The following ZC3H14 variants were observed in gnomAD, a reference collection of about 807,000 sequenced individuals.
The protein encoded by ZC3H14 is zinc finger CCCH domain-containing protein 14.
A neutral mutation model predicts 92.4 loss-of-function variants in ZC3H14; 31 were observed. That is an observed-to-expected ratio of 0.34 (90% CI 0.25 to 0.45). ZC3H14 has a LOEUF of 0.45. Ranked by LOEUF, ZC3H14 falls within the 20% of genes least tolerant of loss-of-function variation. The pLI is 1.00. For synonymous variants in ZC3H14, 321 were observed against 300.9 expected (o/e 1.07, Z -0.69); for missense variants, 781 against 897.3 (o/e 0.87, Z 1.66).
At position 88,618,809 on chromosome 14, in the gene ZC3H14, A is replaced by G. The variant is rs1434298213; in HGVS notation, c.*7058A>G. 1 of 1,578,754 alleles carries G rather than the reference A, an allele frequency of 6.3e-7. No homozygotes were observed. The stretch of plus-strand genomic sequence containing the variant: ...CTGCCAGATACCGGGAATCCGGACT[A>G]AATCTGAATCAAAACAAAACGTAAA... On this transcript the variant is annotated 3_prime_UTR_variant, in exon 17 of 17. Coordinates refer to ENST00000251038, the MANE Select transcript of ZC3H14 (RefSeq NM_024824.5).
At chr14:88,598,939 T>A (rs531753878) in intron 10 of ZC3H14, among the ~76,000 whole-genome samples, 1 of 152,136 alleles carries the variant, frequency 6.6e-6, no homozygotes, top group Non-Finnish European at 1.5e-5. Flanking sequence ...AATACAAAAA[T>A]TAGCCAGGCG....
intron 12 of ZC3H14, among the ~76,000 whole-genome samples, chr14:88,605,946 GCA>G (rs1407092878): frequency 3.3e-5 from 5 of 152,334 alleles, no homozygotes; most frequent in African/African-American, 1.2e-4. Flanking sequence ...GCTAACATTT[GCA>G]CAGAGTGTCT....
Position 88,627,310 on chromosome 14 carries a change from C to T in ZC3H14, c.*15559C>T, listed in dbSNP as rs953358484. ...TAGGTAATATTATCCTGCTGATCTGCCATTATCATTAGAAATATACATAAT... is the reference window on the plus strand; with the variant it reads ...TAGGTAATATTATCCTGCTGATCTGTCATTATCATTAGAAATATACATAAT... On this transcript the variant is annotated 3_prime_UTR_variant, in exon 17 of 17. Coordinates refer to ENST00000251038, the MANE Select transcript of ZC3H14 (RefSeq NM_024824.5). The T allele has an allele frequency of 1.2e-5, 6 of 493,904 alleles. No homozygotes were observed. The highest frequency in any genetic ancestry group is 3.6e-5 in the Admixed American group (1 of 28,118). 30.6% of individuals were successfully genotyped at this position (493,904 alleles called of 1,614,324 possible).
In ZC3H14 at chr14:88,625,056, G is replaced by T. The variant is rs142374840; in HGVS notation, c.*13305G>T. ...CAGGCCCGTTGTGAGCTCTCGCCACGATTCTACACAATATGTGATCTTTCC... is the reference window on the plus strand; with the variant it reads ...CAGGCCCGTTGTGAGCTCTCGCCACTATTCTACACAATATGTGATCTTTCC... On this transcript the variant is annotated 3_prime_UTR_variant, in exon 17 of 17. Transcript: ENST00000251038. 1.9e-6 allele frequency: 3 copies of T among 1,612,320 alleles called. No homozygotes were observed. The highest frequency in any genetic ancestry group is 2.7e-5 in the African/African-American group (2 of 74,530).
rs1275757508 is a variant in ZC3H14 at position 88,619,806 on chromosome 14, A to T, written c.*8055A>T. 1.3e-5 allele frequency: 2 copies of T among 152,146 alleles called. No individual in the cohort carries two copies. The highest frequency in any genetic ancestry group is 2.9e-5 in the Non-Finnish European group (2 of 68,070). 9.4% of individuals were successfully genotyped at this position (152,146 alleles called of 1,614,324 possible). A position where few individuals can be genotyped will look rare whatever the true frequency, so the allele number is the denominator to read the frequency against. On this transcript the variant is annotated 3_prime_UTR_variant, in exon 17 of 17. Transcript: ENST00000251038. ...CAGCCCCCTGAGTAGCTGGGATTAC[A>T]GGCGCCTGCCACCACGCCCGGCTGA...
intron 2 of ZC3H14, among the ~76,000 whole-genome samples, chr14:88,567,306 A>G (rs367914123): frequency 3.3e-5 from 5 of 151,300 alleles, no homozygotes; most frequent in African/African-American, 7.3e-5. Context: ...TAGTAGAGAC[A>G]GGGTTTCACT....
chr14:88,600,609 T>TTTTA (rs1011099510), intron 10 of ZC3H14, among the ~76,000 whole-genome samples: 2 of 152,080 alleles, frequency 1.3e-5, no homozygotes, highest in South Asian at 4.2e-4. Flanking sequence ...GCCTGGCTAA[T>TTTTA]TTTATTTATT....
rs1007619697 is a variant in ZC3H14, at chr14:88,614,947, A to G, written c.*3196A>G. ...ATATGTGAATTTAACACTTTTGTTT[A>G]CATGTTAAACAAATGTGTATATATT... is the stretch of plus-strand genomic sequence containing the variant. On this transcript the variant is annotated 3_prime_UTR_variant, in exon 17 of 17. Transcript: ENST00000251038. The G allele has an allele frequency of 2.6e-5, 4 of 152,216 alleles. No individual in the cohort carries two copies. The highest frequency in any genetic ancestry group is 4.4e-5 in the Non-Finnish European group (3 of 68,024). The allele number at this position is 152,216 out of a possible 1,614,324, so 9.4% of individuals were successfully genotyped here. A position where few individuals can be genotyped will look rare whatever the true frequency, so the allele number is the denominator to read the frequency against.
At chr14:88,606,094 G>T (rs1409169109) in intron 12 of ZC3H14, among the ~76,000 whole-genome samples, 1 of 152,190 alleles carries the variant, frequency 6.6e-6, no homozygotes, top group Non-Finnish European at 1.5e-5. Context: ...ATGCTATTTT[G>T]TGGGGAGTTT....
At chr14:88,579,671 A>G (rs2081635949) in intron 9 of ZC3H14, among the ~76,000 whole-genome samples, 2 of 151,360 alleles carry the variant, frequency 1.3e-5, no homozygotes, top group African/African-American at 4.9e-5. Context: ...CAAAATCAAC[A>G]GAAGAAGGTT....
Position 88,596,868 on chromosome 14 carries a change from TACAC to T in ZC3H14, c.1354+61_1354+64del, listed in dbSNP as rs550065380. ...CATTTCAGTTGCCATTTCCATTTCTTACACCCCATTTAACGTATCTCGGATCTCT... is the reference window on the plus strand; with the variant it reads ...CATTTCAGTTGCCATTTCCATTTCTTCCCATTTAACGTATCTCGGATCTCT... On this transcript the variant is annotated intron_variant, in intron 10 of 16. Transcript: ENST00000251038. The T allele has an allele frequency of 5.2e-4, 715 of 1,368,854 alleles. 4 individuals carry two copies. The African/African-American group carries it at 8.6e-3, about 16-fold the overall frequency. 84.8% of individuals were successfully genotyped at this position (1,368,854 alleles called of 1,614,324 possible). A position where few individuals can be genotyped will look rare whatever the true frequency, so the allele number is the denominator to read the frequency against.
Position 88,627,123 on chromosome 14 carries a change from T to C in ZC3H14, c.*15372T>C. The C allele has an allele frequency of 6.8e-7, 1 of 1,462,542 alleles. No individual in the cohort carries two copies. Among genetic ancestry groups the C allele is most frequent in the Non-Finnish European group, 9.5e-7 (1 of 1,054,720 alleles). The allele number at this position is 1,462,542 out of a possible 1,614,324, so 90.6% of individuals were successfully genotyped here. ...AACAGCATCAAACAAATATGTAAAA[T>C]ACATAGTTCAAAAAACAAAGGCTTA... On this transcript the variant is annotated 3_prime_UTR_variant, in exon 17 of 17. Coordinates refer to ENST00000251038, the MANE Select transcript of ZC3H14 (RefSeq NM_024824.5).
Position 88,624,404 on chromosome 14 carries a change from T to G in ZC3H14, c.*12653T>G, listed in dbSNP as rs1238737862. 1 of 152,722 alleles carries G rather than the reference T, an allele frequency of 6.5e-6. No individual in the cohort carries two copies. Among genetic ancestry groups the G allele is most frequent in the African/African-American group, 2.4e-5 (1 of 41,452 alleles). The allele number at this position is 152,722 out of a possible 1,614,324, so 9.5% of individuals were successfully genotyped here. On this transcript the variant is annotated 3_prime_UTR_variant, in exon 17 of 17. Transcript: ENST00000251038. The stretch of plus-strand genomic sequence containing the variant: ...TGTCATGTTTCAACATGCATATGAC[T>G]ATGTTGGTGACAAATCAAATCATAA...
chr14:88,592,096 T>C (rs1168735964), intron 9 of ZC3H14: 2 of 152,230 alleles, frequency 1.3e-5, no homozygotes, highest in Admixed American at 6.5e-5. Flanking sequence ...AAAGTTGGGC[T>C]GGACATAGTG....
At chr14:88,566,917 C>T (rs1241461353) in intron 2 of ZC3H14, among the ~76,000 whole-genome samples, 2 of 143,688 alleles carry the variant, frequency 1.4e-5, no homozygotes, top group African/African-American at 5.2e-5. Context: ...AAGACTCTGT[C>T]GTAAAAGAAA....
chr14:88,609,514 G>T (rs1246874613), intron 14 of ZC3H14, 111 bp downstream of exon 14: 5 of 1,557,884 alleles, frequency 3.2e-6, no homozygotes, highest in Non-Finnish European at 3.5e-6. Context: ...ATTTTGGCAG[G>T]ATCAGTTAAT....
chr14:88,563,051 C>T lies in ZC3H14; in HGVS notation c.-83C>T, dbSNP rs1722246513. On this transcript the variant is annotated 5_prime_UTR_variant, in exon 1 of 17. Transcript: ENST00000251038. ...GGAACGGAGGAGGAGGCGGTGGTGT[C>T]CCGGCTGCGGGGTAGGAGTCCGCGG... The T allele has an allele frequency of 3.9e-6, 6 of 1,525,860 alleles. No individual in the cohort carries two copies. The highest frequency in any genetic ancestry group is 2.5e-5 in the East Asian group (1 of 40,484). 94.5% of individuals were successfully genotyped at this position (1,525,860 alleles called of 1,614,324 possible). A position where few individuals can be genotyped will look rare whatever the true frequency, so the allele number is the denominator to read the frequency against.
Position 88,618,063 on chromosome 14 carries a change from C to A in ZC3H14, c.*6312C>A. The A allele has an allele frequency of 2.3e-6, 1 of 426,956 alleles. No individual in the cohort carries two copies. Among genetic ancestry groups the A allele is most frequent in the East Asian group, 3.5e-5 (1 of 28,736 alleles). The allele number at this position is 426,956 out of a possible 1,614,324, so 26.4% of individuals were successfully genotyped here. On this transcript the variant is annotated 3_prime_UTR_variant, in exon 17 of 17. Coordinates refer to ENST00000251038, the MANE Select transcript of ZC3H14 (RefSeq NM_024824.5). ...AACTGATAAAACATGGAAATATATT[C>A]AATAAAAAGGGGTCCCAACATGAAC...
intron 9 of ZC3H14, among the ~76,000 whole-genome samples, chr14:88,592,823 A>G (rs1329699631): frequency 3.9e-5 from 6 of 152,076 alleles, no homozygotes; most frequent in Non-Finnish European, 7.4e-5. Flanking sequence ...TTAAGAGACT[A>G]TAGTGAGCAG....
Sources: gnomAD v4.1 joint callset for allele counts (sites outside exome capture counted in the v4.1 genomes callset) on GRCh38, gnomAD v4.1.1 for gene constraint, MANE v1.5 for transcripts, NCBI Gene and HGNC (gene_info 2026-07-23, HGNC 2026-07-21) for gene names.